The following ADGRL2 variants were observed in gnomAD, a reference collection of about 807,000 sequenced individuals.
ADGRL2 encodes the protein adhesion G protein-coupled receptor L2.
In ADGRL2, 44 loss-of-function variants were observed where a neutral mutation model predicts 157.4. That is an observed-to-expected ratio of 0.28 (90% CI 0.22 to 0.36). ADGRL2 has a LOEUF of 0.36. Among genes scored for constraint, ADGRL2 ranks in the 10% least tolerant of loss-of-function variants. The pLI is 1.00. For synonymous variants in ADGRL2, 585 were observed against 624.7 expected (o/e 0.94, Z 0.95); for missense variants, 1,510 against 1,768.9 (o/e 0.85, Z 2.63).
chr1:81,949,609 C>A (rs11802878), intron 6 of ADGRL2, among the ~76,000 whole-genome samples: 1 of 152,106 alleles, frequency 6.6e-6, no homozygotes, highest in African/African-American at 2.4e-5. Flanking sequence ...AATAAAACAG[C>A]GCAAGCATGC....
At chr1:81,321,569 G>T (rs1255019127) in intron 1 of ADGRL2, among the ~76,000 whole-genome samples, 1 of 152,142 alleles carries the variant, frequency 6.6e-6, no homozygotes, top group Non-Finnish European at 1.5e-5. Context: ...AAGGAGGCCT[G>T]GTTGAGGGCA....
chr1:81,474,369 T>C (rs533069142), intron 2 of ADGRL2, among the ~76,000 whole-genome samples: 27 of 152,354 alleles, frequency 1.8e-4, no homozygotes, highest in African/African-American at 6.5e-4. Context: ...GAGCCTTAAA[T>C]AGTACTTGGC....
chr1:81,510,280 T>C (rs1382246839), intron 2 of ADGRL2, among the ~76,000 whole-genome samples: 1 of 152,186 alleles, frequency 6.6e-6, no homozygotes, highest in Non-Finnish European at 1.5e-5. Flanking sequence ...GCATATCCTC[T>C]AGTTTAAAGC....
intron 3 of ADGRL2, among the ~76,000 whole-genome samples, chr1:81,604,006 T>C (rs969290735): frequency 3.3e-5 from 5 of 151,434 alleles, no homozygotes; most frequent in Admixed American, 1.3e-4. Flanking sequence ...CTCTGTCCTT[T>C]AGGCTGGAAT....
chr1:81,975,282 T>A (rs747534824), intron 17 of ADGRL2, among the ~76,000 whole-genome samples: 2 of 152,124 alleles, frequency 1.3e-5, no homozygotes, highest in Non-Finnish European at 2.9e-5. Flanking sequence ...CTTACCAAGT[T>A]TAGACAAATG....
chr1:81,956,173 A>C, intron 11 of ADGRL2, 113 bp downstream of exon 11: 1 of 777,702 alleles, frequency 1.3e-6, no homozygotes, highest in South Asian at 3.1e-5. Context: ...TTTTTTGTCA[A>C]ATTATTTTTG....
intron 11 of ADGRL2, among the ~76,000 whole-genome samples, chr1:81,960,990 G>A (rs1655171076): frequency 6.6e-6 from 1 of 152,158 alleles, no homozygotes; most frequent in Non-Finnish European, 1.5e-5. Flanking sequence ...CTAGGCTGAT[G>A]CCAGCTCCTT....
At chr1:81,905,367 G>A (rs534397553) in intron 2 of ADGRL2, among the ~76,000 whole-genome samples, 7 of 152,176 alleles carry the variant, frequency 4.6e-5, no homozygotes, top group African/African-American at 1.7e-4. Flanking sequence ...CAAAGTGCTG[G>A]GATTACAAGC....
intron 2 of ADGRL2, among the ~76,000 whole-genome samples, chr1:81,548,149 A>T (rs1434232889): frequency 1.3e-5 from 2 of 152,076 alleles, no homozygotes; most frequent in African/African-American, 4.8e-5. Flanking sequence ...CCAACTACAC[A>T]CGTAACTGAA....
intron 1 of ADGRL2, among the ~76,000 whole-genome samples, chr1:81,353,801 G>A (rs901907243): frequency 2.0e-5 from 3 of 152,164 alleles, no homozygotes; most frequent in African/African-American, 7.2e-5. Flanking sequence ...CTATGGCTCT[G>A]GATCTCACAA....
At chr1:81,909,631 G>A (rs545956495) in intron 3 of ADGRL2, among the ~76,000 whole-genome samples, 4 of 152,168 alleles carry the variant, frequency 2.6e-5, no homozygotes, top group South Asian at 2.1e-4. Flanking sequence ...AATATTAAGT[G>A]AGAATTTCTG....
chr1:81,672,347 T>A (rs2082893308), intron 3 of ADGRL2, among the ~76,000 whole-genome samples: 1 of 152,212 alleles, frequency 6.6e-6, no homozygotes, highest in Non-Finnish European at 1.5e-5. Flanking sequence ...CTTTCTTGGA[T>A]GGATGCTGCT....
chr1:81,915,217 A>C (rs1449224207), intron 3 of ADGRL2, among the ~76,000 whole-genome samples: 1 of 151,988 alleles, frequency 6.6e-6, no homozygotes, highest in Non-Finnish European at 1.5e-5. Context: ...CTGGTACTAC[A>C]GGTGCATGCC....
chr1:81,711,770 T>G (rs1412998565), intron 1 of ADGRL2, among the ~76,000 whole-genome samples: 1 of 152,168 alleles, frequency 6.6e-6, no homozygotes, highest in Non-Finnish European at 1.5e-5. Flanking sequence ...TGTCTTAATA[T>G]GATTTTGAAA....
At chr1:81,950,145 G>T (rs772082941) in intron 6 of ADGRL2, 44 bp from the exon 7 acceptor site, 2 of 1,530,142 alleles carry the variant, frequency 1.3e-6, no homozygotes, top group Non-Finnish European at 1.8e-6. Context: ...GTATGTGAGT[G>T]CAAGTGTGTG....
rs923553714 is a variant in ADGRL2, at chr1:81,569,240, G to A, written c.-247-11636G>A. On this transcript the variant is annotated intron_variant, in intron 2 of 24. Transcript: ENST00000370721. ...ATTGAATTCCTCACAAAAACACTGTGAGACAGAGAGAATTTTTTCCCCATT... is the reference window on the plus strand; with the variant it reads ...ATTGAATTCCTCACAAAAACACTGTAAGACAGAGAGAATTTTTTCCCCATT... Among the ~76,000 whole-genome samples, 5 of 152,158 alleles carry A rather than the reference G, an allele frequency of 3.3e-5. No individual in the cohort carries two copies. The East Asian group carries it at 9.7e-4, about 29-fold the overall frequency.
At chr1:81,659,412 C>G (rs1051003092) in intron 3 of ADGRL2, among the ~76,000 whole-genome samples, 8 of 152,046 alleles carry the variant, frequency 5.3e-5, no homozygotes, top group African/African-American at 1.9e-4. Context: ...CACCTGTCCC[C>G]CAAAGTGCAT....
intron 1 of ADGRL2, among the ~76,000 whole-genome samples, chr1:81,405,957 C>CTATAATTAATCTATAA (rs2076847170): frequency 6.6e-6 from 1 of 152,116 alleles, no homozygotes; most frequent in African/African-American, 2.4e-5. Flanking sequence ...TATAATTAAT[C>CTATAATTAATCTATAA]TGAGGTTTCA....
chr1:81,357,065 C>T (rs1462263611), intron 1 of ADGRL2, among the ~76,000 whole-genome samples: 1 of 151,142 alleles, frequency 6.6e-6, no homozygotes, highest in Admixed American at 6.6e-5. Context: ...CAAGGAATAG[C>T]TAGGTAATGG....
Sources: allele counts gnomAD v4.1 joint callset (sites outside exome capture counted in the v4.1 genomes callset), GRCh38; gene constraint gnomAD v4.1.1; transcripts MANE v1.5; gene names NCBI Gene and HGNC (gene_info 2026-07-23, HGNC 2026-07-21).